Variants in CCDC102B observed in about 807,000 individuals in gnomAD.
CCDC102B encodes coiled-coil domain containing 102B, also known as coiled-coil domain-containing protein 102B.
In CCDC102B, 75 loss-of-function variants were observed where a neutral mutation model predicts 57.4. That is an observed-to-expected ratio of 1.31 (90% confidence interval 1.08 to 1.58). The LOEUF (loss-of-function observed/expected upper bound fraction) is 1.58, where lower values mean the gene tolerates loss of function less well. CCDC102B is among the 40% of genes most tolerant of loss of function. The probability of loss-of-function intolerance (pLI) is 0.00; values close to 1 mark genes in which losing one functional copy is unlikely to be tolerated. For missense variants in CCDC102B, 636 were observed against 582.6 expected (o/e 1.09, Z -0.94); for synonymous variants, 206 against 201.9 (o/e 1.02, Z -0.17).
At chr18:69,055,460 T>C (rs182062666), downstream of CCDC102B, among the ~76,000 whole-genome samples, 2 of 152,198 alleles carry the variant, frequency 1.3e-5, no homozygotes, top group Admixed American at 1.3e-4. Flanking sequence ...CTCAGTGCTT[T>C]CTGGTATGAC....
At chr18:69,032,253 TGA>T (rs1198497884) in intron 7 of CCDC102B, among the ~76,000 whole-genome samples, 1 of 152,164 alleles carries the variant, frequency 6.6e-6, no homozygotes, top group Non-Finnish European at 1.5e-5. Flanking sequence ...GATAAAATAG[TGA>T]ATGATGGATT....
chr18:69,046,990 T>TATATATATATATATATA (rs2052584028), intron 7 of CCDC102B, among the ~76,000 whole-genome samples: 1 of 152,178 alleles, frequency 6.6e-6, no homozygotes, highest in Non-Finnish European at 1.5e-5. Flanking sequence ...GCTGTTTTGG[T>TATATATATATATATATA]TACTGTAGCC....
intron 7 of CCDC102B, among the ~76,000 whole-genome samples, chr18:69,021,836 A>G (rs1000809709): frequency 6.6e-6 from 1 of 152,148 alleles, no homozygotes; most frequent in Non-Finnish European, 1.5e-5. Flanking sequence ...ATGTCCAGCA[A>G]CCCAGTTGCA....
intron 6 of CCDC102B, among the ~76,000 whole-genome samples, chr18:68,910,984 G>C (rs533690964): frequency 6.6e-6 from 1 of 152,148 alleles, no homozygotes; most frequent in Admixed American, 6.5e-5. Context: ...TACACTGTTG[G>C]TGGGAGTGTA....
At chr18:68,724,999 C>T (rs966868323) in intron 2 of CCDC102B, among the ~76,000 whole-genome samples, 15 of 152,206 alleles carry the variant, frequency 9.9e-5, no homozygotes, top group Non-Finnish European at 1.2e-4. Context: ...CTGGGAAGAC[C>T]GCAGGAAACT....
At chr18:68,957,384 G>A (rs1363553502) in intron 6 of CCDC102B, among the ~76,000 whole-genome samples, 1 of 151,974 alleles carries the variant, frequency 6.6e-6, no homozygotes, top group Non-Finnish European at 1.5e-5. Context: ...TTTCCCCAAT[G>A]TATGTTCTTG....
chr18:68,847,983 A>G (rs2037950417), intron 4 of CCDC102B, among the ~76,000 whole-genome samples: 1 of 151,688 alleles, frequency 6.6e-6, no homozygotes, highest in South Asian at 2.1e-4. Context: ...TTTTGAATAA[A>G]TGTGTTATAT....
intron 6 of CCDC102B, among the ~76,000 whole-genome samples, chr18:68,961,124 T>G (rs1476460896): frequency 3.3e-5 from 5 of 152,088 alleles, no homozygotes; most frequent in Non-Finnish European, 7.4e-5. Flanking sequence ...ATTTGTTTAG[T>G]TTTTATTGAA....
rs374913144 is a variant in CCDC102B, at chr18:68,750,964, C to A, written c.-67+34370C>A. 4.0e-4 allele frequency among the ~76,000 whole-genome samples: 58 copies of A among 144,172 alleles called. No homozygotes were observed. In the East Asian group the frequency reaches 6.1e-3, roughly 15 times the overall value. 94.6% of individuals were successfully genotyped at this position (144,172 alleles called of 152,430 possible). On this transcript the variant is annotated intron_variant, in intron 2 of 3. Transcript: ENST00000578970. ...AAAGTATAATAATAATAAAAAAAAA[C>A]AAAAACAAAGAAACAAAAAAAACTC...
At chr18:68,808,085 A>G (rs2036098320) in intron 1 of CCDC102B, among the ~76,000 whole-genome samples, 1 of 152,196 alleles carries the variant, frequency 6.6e-6, no homozygotes, top group African/African-American at 2.4e-5. Context: ...TTATAGATGT[A>G]ACTTTCCCAG....
intron 1 of CCDC102B, among the ~76,000 whole-genome samples, chr18:68,833,462 A>G (rs916272271): frequency 2.6e-5 from 4 of 151,580 alleles, no homozygotes; most frequent in Non-Finnish European, 2.9e-5. Flanking sequence ...AAATGGTACA[A>G]TTAGTATGTC....
intron 2 of CCDC102B, among the ~76,000 whole-genome samples, chr18:68,785,439 T>C (rs1178346646): frequency 1.2e-4 from 18 of 152,074 alleles, no homozygotes; most frequent in East Asian, 5.8e-4. Flanking sequence ...TTTACAGTCC[T>C]ACCAACAGTG....
intron 2 of CCDC102B, among the ~76,000 whole-genome samples, chr18:68,749,541 G>T (rs542802220): frequency 1.2e-4 from 18 of 152,232 alleles, no homozygotes; most frequent in Admixed American, 7.8e-4. Flanking sequence ...TGAAGCAATT[G>T]TGAATGGGAG....
upstream of CCDC102B, among the ~76,000 whole-genome samples, chr18:68,797,662 C>T (rs533460505): frequency 1.4e-4 from 21 of 151,342 alleles, no homozygotes; most frequent in East Asian, 1.9e-3. Context: ...TTTGTGCAAT[C>T]TAATGCAAAT....
intron 6 of CCDC102B, among the ~76,000 whole-genome samples, chr18:68,908,992 G>C (rs902387389): frequency 2.0e-5 from 3 of 151,732 alleles, no homozygotes; most frequent in Non-Finnish European, 4.4e-5. Flanking sequence ...GTAATGATTG[G>C]TAATTTAACT....
At chr18:68,945,122 C>CACACACACACACACA (rs369066554) in intron 6 of CCDC102B, among the ~76,000 whole-genome samples, 1 of 143,942 alleles carries the variant, frequency 6.9e-6, no homozygotes, top group African/African-American at 2.6e-5. Context: ...CTCTCTCTCT[C>CACACACACACACACA]CACACACACA....
At chr18:68,949,100 G>C (rs2049623124) in intron 6 of CCDC102B, among the ~76,000 whole-genome samples, 1 of 152,040 alleles carries the variant, frequency 6.6e-6, no homozygotes, top group Admixed American at 6.6e-5. Flanking sequence ...TTTTCTGTTT[G>C]CTTTTTATTC....
At chr18:68,926,491 A>T (rs1471652729) in intron 6 of CCDC102B, among the ~76,000 whole-genome samples, 1 of 151,836 alleles carries the variant, frequency 6.6e-6, no homozygotes, top group Non-Finnish European at 1.5e-5. Flanking sequence ...ATAAAAAGGT[A>T]TTTTATAGGA....
chr18:68,907,396 G>A (rs1294924851), intron 6 of CCDC102B, among the ~76,000 whole-genome samples: 1 of 150,738 alleles, frequency 6.6e-6, no homozygotes, highest in African/African-American at 2.4e-5. Flanking sequence ...TTGCTTTTCA[G>A]AGTATTAACA....
Sources: gnomAD v4.1 joint callset for allele counts (sites outside exome capture counted in the v4.1 genomes callset) on GRCh38, gnomAD v4.1.1 for gene constraint, MANE v1.5 for transcripts, NCBI Gene and HGNC (gene_info 2026-07-23, HGNC 2026-07-21) for gene names.